BRIP1: variants seen among roughly 807,000 people sequenced by gnomAD.
BRIP1 encodes Fanconi anemia group J protein.
In BRIP1, 88 loss-of-function variants were observed where a neutral mutation model predicts 119.7. The ratio of observed to expected loss-of-function variants is 0.74; its 90% CI spans 0.62 to 0.88. BRIP1 has a LOEUF of 0.88. BRIP1 is among the 40% of genes least tolerant of loss of function. BRIP1 has a pLI of 0.00. For missense variants in BRIP1, 1,259 were observed against 1,455.4 expected, an observed-to-expected ratio of 0.87 and a Z score of 2.20; for synonymous variants, 443 against 496.5, an observed-to-expected ratio of 0.89 and a Z score of 1.43.
Position 61,744,665 on chromosome 17 carries a change from A to G in BRIP1, c.2098-74T>C. ...AACTTAACTTCATTTGTTTAAGCCA[A>G]TGTGACTACGGCAAGTATATTAATC... On this transcript the variant is annotated intron_variant, in intron 14 of 19. Coordinates refer to ENST00000259008, the MANE Select transcript of BRIP1 (RefSeq NM_032043.3). This position sits in a 1 kb window ranked among gnomAD's most constrained non-coding sequence, Gnocchi z 5.0. 7.7e-7 allele frequency: 1 copy of G among 1,291,328 alleles called. No homozygotes were observed. The highest frequency in any genetic ancestry group is 1.1e-6 in the Non-Finnish European group (1 of 889,186). 80.0% of individuals were successfully genotyped at this position (1,291,328 alleles called of 1,614,324 possible). A position where few individuals can be genotyped will look rare whatever the true frequency, so the allele number is the denominator to read the frequency against.
rs1297767531 is a variant in BRIP1 at position 61,735,658 on chromosome 17, G to A, written c.2379+7355C>T. On this transcript the variant is annotated intron_variant, in intron 16 of 19. Transcript: ENST00000259008. This position sits in a 1 kb window ranked among gnomAD's most constrained non-coding sequence, Gnocchi z 4.4. ...AAAAAACCACGTTTAAAAATTAGCT[G>A]GGTGTGGTGGCGTGTGGCTGTAGTG... 2.0e-5 allele frequency among the ~76,000 whole-genome samples: 3 copies of A among 151,880 alleles called. No individual in the cohort carries two copies. Among genetic ancestry groups the A allele is most frequent in the East Asian group, 3.9e-4 (2 of 5,174 alleles).
intron 3 of BRIP1, among the ~76,000 whole-genome samples, chr17:61,858,442 C>T (rs570165844): frequency 6.0e-5 from 9 of 150,902 alleles, no homozygotes; most frequent in African/African-American, 2.2e-4. Context: ...GGCGCGATCT[C>T]GGCTCACTGC....
Position 61,860,841 on chromosome 17 carries a change from G to C in BRIP1, c.93+606C>G, listed in dbSNP as rs72843739. ...AACAGGGCTATACATTAAAAATAATGCTAAGTTAAAAAACTCAAGTTCTGC... is the reference window on the plus strand; with the variant it reads ...AACAGGGCTATACATTAAAAATAATCCTAAGTTAAAAAACTCAAGTTCTGC... On this transcript the variant is annotated intron_variant, in intron 2 of 19. Coordinates refer to ENST00000259008, the MANE Select transcript of BRIP1 (RefSeq NM_032043.3). This position sits in a 1 kb window ranked among gnomAD's most constrained non-coding sequence, Gnocchi z 4.1. Among the ~76,000 whole-genome samples the C allele has an allele frequency of 0.065, 9,886 of 152,128 alleles. 577 individuals are homozygous for C. Among genetic ancestry groups the C allele is most frequent in the South Asian group, 0.3 (1,427 of 4,814 alleles).
intron 17 of BRIP1, among the ~76,000 whole-genome samples, chr17:61,711,187 G>A (rs762694749): frequency 2.6e-5 from 4 of 152,146 alleles, no homozygotes; most frequent in South Asian, 2.1e-4. Context: ...GTTTGTAAAC[G>A]AGAAAACCAC....
chr17:61,793,145 G>A lies in BRIP1; in HGVS notation c.1473+452C>T, dbSNP rs1413405619. Among the ~76,000 whole-genome samples, 16 of 152,110 alleles carry A rather than the reference G, an allele frequency of 1.1e-4. No individual in the cohort carries two copies. Among genetic ancestry groups the A allele is most frequent in the African/African-American group, 3.9e-4 (16 of 41,530 alleles). On this transcript the variant is annotated intron_variant, in intron 10 of 19. Transcript: ENST00000259008. This position sits in a 1 kb window ranked among gnomAD's most constrained non-coding sequence, Gnocchi z 5.2. ...CCTCTATTTAGAAAAATGTACAAAA[G>A]GATACGCTCATAAAATTTTGCATAT...
rs113285083 is a variant in BRIP1, at chr17:61,691,095, G to A, written c.2575+2335C>T. 1.5e-5 allele frequency among the ~76,000 whole-genome samples: 2 copies of A among 135,186 alleles called. No homozygotes were observed. The highest frequency in any genetic ancestry group is 5.5e-5 in the African/African-American group (2 of 36,692). 88.7% of individuals were successfully genotyped at this position (135,186 alleles called of 152,430 possible). ...ACCGGGGCCTGTTGTGGGGTGGGGG[G>A]AGAGGGGGGAGGGATAGCATTAGGA... On this transcript the variant is annotated intron_variant, in intron 18 of 19. Coordinates refer to ENST00000259008, the MANE Select transcript of BRIP1 (RefSeq NM_032043.3). The surrounding 1 kb of genome is among the most constrained non-coding windows in gnomAD (Gnocchi z 5.0).
intron 10 of BRIP1, 26 bp from the exon 11 acceptor site, chr17:61,784,450 T>C: frequency 6.2e-7 from 1 of 1,600,640 alleles, no homozygotes; most frequent in Non-Finnish European, 8.6e-7. Flanking sequence ...ATATTAAGTA[T>C]AGAGGGGTTG....
In BRIP1 at chr17:61,852,786, G is replaced by A. The variant is rs1202807633; in HGVS notation, c.380-3530C>T. Among the ~76,000 whole-genome samples, 1 of 151,986 alleles carries A rather than the reference G, an allele frequency of 6.6e-6. No homozygotes were observed. The highest frequency in any genetic ancestry group is 1.5e-5 in the Non-Finnish European group (1 of 68,010). On this transcript the variant is annotated intron_variant, in intron 4 of 19. Transcript: ENST00000259008. This position sits in a 1 kb window ranked among gnomAD's most constrained non-coding sequence, Gnocchi z 4.9. Reference sequence around the variant, plus strand: ...AGAAATACTAACTAAAACCCAATGAGAATACCACACATACACAAGAATGAC... The same window carrying A: ...AGAAATACTAACTAAAACCCAATGAAAATACCACACATACACAAGAATGAC...
At chr17:61,765,829 G>GCACGCACA (rs1555598344) in intron 14 of BRIP1, among the ~76,000 whole-genome samples, 2 of 146,428 alleles carry the variant, frequency 1.4e-5, no homozygotes, top group African/African-American at 5.1e-5. Flanking sequence ...CTATATTCAT[G>GCACGCACA]CACACACACA....
At position 61,685,826 on chromosome 17, in the gene BRIP1, C is replaced by G. The variant is rs753488562; in HGVS notation, c.2905+10G>C. The stretch of plus-strand genomic sequence containing the variant: ...CTCTATCAAAGGTAAATGGGAAGAA[C>G]TTTTCATACTTTTCTCCTTTCTGGA... On this transcript the variant is annotated intron_variant, in intron 19 of 19. Coordinates refer to ENST00000259008, the MANE Select transcript of BRIP1 (RefSeq NM_032043.3). 1 of 1,595,844 alleles carries G rather than the reference C, an allele frequency of 6.3e-7. No individual in the cohort carries two copies. The highest frequency in any genetic ancestry group is 8.6e-7 in the Non-Finnish European group (1 of 1,164,964).
rs536964593 is a variant in BRIP1, at chr17:61,704,193, T to C, written c.2493-10681A>G. Among the ~76,000 whole-genome samples, 1 of 152,256 alleles carries C rather than the reference T, an allele frequency of 6.6e-6. No homozygotes were observed. Among genetic ancestry groups the C allele is most frequent in the South Asian group, 2.1e-4 (1 of 4,828 alleles). ...TTGTCAAAGATCAGATGGTTGTAGG[T>C]GTGCAGTTTTATTTTTAGGCTCTTA... On this transcript the variant is annotated intron_variant, in intron 17 of 19. Coordinates refer to ENST00000259008, the MANE Select transcript of BRIP1 (RefSeq NM_032043.3). The surrounding 1 kb of genome is among the most constrained non-coding windows in gnomAD (Gnocchi z 5.7).
chr17:61,835,659 A>G (rs1032605305), intron 6 of BRIP1, among the ~76,000 whole-genome samples: 4 of 152,074 alleles, frequency 2.6e-5, no homozygotes, highest in African/African-American at 9.7e-5. Flanking sequence ...TTTGAAGCCA[A>G]GTGGAATTCT....
rs1297321049 is a variant in BRIP1, at chr17:61,760,857, T to C, written c.2097+15544A>G. ...ACTAATACCAATCATTCTCAAATGCTTTCAAAGAAGTTGAAAAGGAGGATA... is the reference window on the plus strand; with the variant it reads ...ACTAATACCAATCATTCTCAAATGCCTTCAAAGAAGTTGAAAAGGAGGATA... On this transcript the variant is annotated intron_variant, in intron 14 of 19. Transcript: ENST00000259008. This position sits in a 1 kb window ranked among gnomAD's most constrained non-coding sequence, Gnocchi z 4.6. Among the ~76,000 whole-genome samples, 1 of 152,084 alleles carries C rather than the reference T, an allele frequency of 6.6e-6. No individual in the cohort carries two copies. Among genetic ancestry groups the C allele is most frequent in the East Asian group, 1.9e-4 (1 of 5,190 alleles).
chr17:61,755,713 C>T lies in BRIP1; in HGVS notation c.2098-11122G>A, dbSNP rs2077191966. Among the ~76,000 whole-genome samples the T allele has an allele frequency of 5.3e-5, 8 of 152,152 alleles. No homozygotes were observed. The highest frequency in any genetic ancestry group is 5.2e-4 in the Admixed American group (8 of 15,272). Reference sequence around the variant, plus strand: ...TTCTCTTGGTGAGACTTTGTTCATTCATTCCTTCCTCCCTTCCTTTCTTCT... The same window carrying T: ...TTCTCTTGGTGAGACTTTGTTCATTTATTCCTTCCTCCCTTCCTTTCTTCT... On this transcript the variant is annotated intron_variant, in intron 14 of 19. Transcript: ENST00000259008. This position sits in a 1 kb window ranked among gnomAD's most constrained non-coding sequence, Gnocchi z 4.5.
rs1348282533 is a variant in BRIP1 at position 61,805,006 on chromosome 17, T to C, written c.918+3461A>G. Among the ~76,000 whole-genome samples, 1 of 149,770 alleles carries C rather than the reference T, an allele frequency of 6.7e-6. No individual in the cohort carries two copies. The highest frequency in any genetic ancestry group is 6.7e-5 in the Admixed American group (1 of 15,002). ...TGTGTGTGTGTGTGTGTGTGTAAAATTAAATTGTATTTGTATACGTCTGTA... is the reference window on the plus strand; with the variant it reads ...TGTGTGTGTGTGTGTGTGTGTAAAACTAAATTGTATTTGTATACGTCTGTA... On this transcript the variant is annotated intron_variant, in intron 7 of 19. Coordinates refer to ENST00000259008, the MANE Select transcript of BRIP1 (RefSeq NM_032043.3). This position sits in a 1 kb window ranked among gnomAD's most constrained non-coding sequence, Gnocchi z 5.6.
rs532260005 is a variant in BRIP1 at position 61,825,066 on chromosome 17, G to T, written c.628-16309C>A. 3.9e-5 allele frequency among the ~76,000 whole-genome samples: 6 copies of T among 152,104 alleles called. No individual in the cohort carries two copies. The highest frequency in any genetic ancestry group is 1.2e-4 in the African/African-American group (5 of 41,528). On this transcript the variant is annotated intron_variant, in intron 6 of 19. Transcript: ENST00000259008. This position sits in a 1 kb window ranked among gnomAD's most constrained non-coding sequence, Gnocchi z 4.1. ...TTTGGGAGGCTGAGGCAGGCGGATC[G>T]CAAGGTCAGGAGATCGAGACCATCC...
In BRIP1 at chr17:61,856,143, G is replaced by A. The variant is rs924770725; in HGVS notation, c.379+915C>T. 6.6e-6 allele frequency among the ~76,000 whole-genome samples: 1 copy of A among 152,146 alleles called. No individual in the cohort carries two copies. Among genetic ancestry groups the A allele is most frequent in the Non-Finnish European group, 1.5e-5 (1 of 68,006 alleles). The stretch of plus-strand genomic sequence containing the variant: ...TCCAAAAGGCCAAAATCAAAACAAT[G>A]TAGACAACACTATTGGTCACCTATT... On this transcript the variant is annotated intron_variant, in intron 4 of 19. Transcript: ENST00000259008. The surrounding 1 kb of genome is among the most constrained non-coding windows in gnomAD (Gnocchi z 5.1).
rs1241762159 is a variant in BRIP1, at chr17:61,853,660, T to C, written c.379+3398A>G. On this transcript the variant is annotated intron_variant, in intron 4 of 19. Transcript: ENST00000259008. The surrounding 1 kb of genome is among the most constrained non-coding windows in gnomAD (Gnocchi z 4.3). ...AGTGGATAAAGGATAGCCTTTTCGA[T>C]ATATCCAGGTGCTGAACAACTGGAT... Among the ~76,000 whole-genome samples the C allele has an allele frequency of 1.3e-5, 2 of 152,190 alleles. No homozygotes were observed. The highest frequency in any genetic ancestry group is 4.8e-5 in the African/African-American group (2 of 41,452).
intron 17 of BRIP1, among the ~76,000 whole-genome samples, chr17:61,696,396 A>AAT (rs2061521534): frequency 6.6e-6 from 1 of 152,104 alleles, no homozygotes; most frequent in South Asian, 2.1e-4. Context: ...AGTCATATGA[A>AAT]ATATTGCTGT....
Sources: gnomAD v4.1 joint callset for allele counts (sites outside exome capture counted in the v4.1 genomes callset) on GRCh38, gnomAD v4.1.1 for gene constraint, Gnocchi (gnomAD v3.1) non-coding constraint, MANE v1.5 for transcripts, NCBI Gene and HGNC (gene_info 2026-07-23, HGNC 2026-07-21) for gene names.